Variants in ACAN observed in about 807,000 individuals in gnomAD.
The protein encoded by ACAN is aggrecan, also known as aggrecan core protein.
Under a neutral mutation model 169.1 loss-of-function variants are expected in ACAN, and 47 were observed. That is an observed-to-expected ratio of 0.28 (90% CI 0.22 to 0.35). ACAN has a LOEUF of 0.35. ACAN is among the 10% of genes least tolerant of loss of function. ACAN has a pLI of 1.00. For synonymous variants in ACAN, 1,115 were observed against 1,112.2 expected (o/e 1.00, Z -0.05); for missense variants, 2,716 against 2,759.9 (o/e 0.98, Z 0.36).
In ACAN at chr15:88,854,944, C is replaced by A; in HGVS notation, c.2359C>A (p.Pro787Thr). Residue 787 changes from proline to threonine, a missense_variant, in exon 12 of 19, where the codon CCA becomes ACA. Physicochemically the swap from Pro to Thr is conservative, Grantham distance 38 (BLOSUM62 -1). Around this residue, in one of 3 missense-constraint regions of ACAN, gnomAD observed 1,283 missense variants for 1,281.5 expected, o/e 1.00. Coordinates refer to ENST00000560601, the MANE Select transcript of ACAN (RefSeq NM_001369268.1). ...ATEVPSASEE[P>T]SPSEVPFPSE... is the part of the protein sequence containing the mutation. ...TGAAGTGCCCTCTGCCTCAGAGGAA[C>A]CATCCCCCTCAGAGGTGCCATTCCC... The A allele has an allele frequency of 1.3e-6, 2 of 1,594,546 alleles. No individual in the cohort carries two copies. Among genetic ancestry groups the A allele is most frequent in the South Asian group, 1.1e-5 (1 of 87,076 alleles).
In ACAN at chr15:88,843,365, T is replaced by G; in HGVS notation, c.768T>G (p.Phe256Leu). The change falls in exon 6 of 19, where the codon TTT becomes TTG. Residue 256 changes from phenylalanine (F) to leucine (L), a missense_variant. This residue lies in a region of ACAN where 1,283 missense variants were observed against 1,281.5 expected (regional missense o/e 1.00). Transcript: ENST00000560601. The surrounding 1 kb of genome is among the most constrained non-coding windows in gnomAD (Gnocchi z 4.0). ...CTGTGTCCTTCACAGGTGAGGTCTT[T>G]TATGCAACATCTCCAGAGAAGTTCA... ...CFAEEMEGEV[F>L]YATSPEKFTF... is the part of the protein sequence containing the mutation. 1 of 1,579,040 alleles carries G rather than the reference T, an allele frequency of 6.3e-7. No homozygotes were observed. The highest frequency in any genetic ancestry group is 1.2e-5 in the South Asian group (1 of 86,760).
At position 88,858,183 on chromosome 15, in the gene ACAN, A is replaced by C; in HGVS notation, c.5598A>C (p.Ser1866=). The part of the protein sequence containing the change: ...SGLPSGEADL[S]GKSGMVDVSG... ...TCCCTTCCGGAGAGGCAGATCTGTC[A>C]GGCAAATCTGGGATGGTGGATGTCA... Residue 1866 remains serine, a synonymous_variant, in exon 12 of 19, where the codon TCA becomes TCC. Coordinates refer to ENST00000560601, the MANE Select transcript of ACAN (RefSeq NM_001369268.1). The surrounding 1 kb of genome is among the most constrained non-coding windows in gnomAD (Gnocchi z 4.0). The C allele has an allele frequency of 6.2e-7, 1 of 1,613,930 alleles. No individual in the cohort carries two copies. Among genetic ancestry groups the C allele is most frequent in the Non-Finnish European group, 8.5e-7 (1 of 1,179,878 alleles).
chr15:88,841,581 A>T lies in ACAN; in HGVS notation c.630-159A>T, dbSNP rs145025980. 5.6e-4 allele frequency among the ~76,000 whole-genome samples: 86 copies of T among 152,244 alleles called. No homozygotes were observed. In the East Asian group the frequency reaches 0.013, roughly 24 times the overall value. ...TGGGGGCTGCCTTTAATCATGATTC[A>T]CTGTAAAAACAGATAGGCAGTTGAC... On this transcript the variant is annotated intron_variant, in intron 4 of 18. Coordinates refer to ENST00000560601, the MANE Select transcript of ACAN (RefSeq NM_001369268.1).
intron 8 of ACAN, 145 bp from the exon 9 acceptor site, chr15:88,847,766 T>G: frequency 9.1e-7 from 1 of 1,092,898 alleles, no homozygotes; most frequent in Non-Finnish European, 1.3e-6. Context: ...ACTTGCTGCA[T>G]AAGGGGCTTT....
rs766559751 is a variant in ACAN, at chr15:88,855,459, T to C, written c.2874T>C (p.Pro958=). 1.1e-5 allele frequency: 17 copies of C among 1,613,652 alleles called. No individual in the cohort carries two copies. In the Admixed American group the frequency reaches 2.8e-4, roughly 27 times the overall value. ...GAGTTGGGGATCTCAGTGGACTTCC[T>C]TCTGGAGAAGTTCTAGAGACCTCTG... The part of the protein sequence containing the change: ...ASGVGDLSGL[P]SGEVLETSAS... The change falls in exon 12 of 19, where the codon CCT becomes CCC. Residue 958 remains proline, a synonymous_variant. Transcript: ENST00000560601.
In ACAN at chr15:88,857,628, G is replaced by A. The variant is rs1431923508; in HGVS notation, c.5043G>A (p.Arg1681=). Residue 1681 remains arginine (R), a synonymous_variant, in exon 12 of 19, where the codon AGG becomes AGA. Transcript: ENST00000560601. ...TASTASELEG[R]GTIGISGAGE... ...CCACTGCAAGTGAACTGGAAGGGAG[G>A]GGAACCATTGGCATCAGTGGTGCAG... The A allele has an allele frequency of 1.2e-6, 2 of 1,614,004 alleles. No individual in the cohort carries two copies. Among genetic ancestry groups the A allele is most frequent in the Non-Finnish European group, 1.7e-6 (2 of 1,179,894 alleles).
chr15:88,871,582 G>A lies in ACAN; in HGVS notation c.7219+42G>A, dbSNP rs371067975. 59 of 1,573,372 alleles carry A rather than the reference G, an allele frequency of 3.7e-5. No individual in the cohort carries two copies. Among genetic ancestry groups the A allele is most frequent in the Middle Eastern group, 4.2e-4 (2 of 4,718 alleles). On this transcript the variant is annotated intron_variant, in intron 15 of 18. Coordinates refer to ENST00000560601, the MANE Select transcript of ACAN (RefSeq NM_001369268.1). The surrounding 1 kb of genome is among the most constrained non-coding windows in gnomAD (Gnocchi z 7.8). ...CTCTGGAGCCTGAGAGGAGAGTGGC[G>A]GTGTAGGCAAAGGGCCTCACCTTTC...
Position 88,849,629 on chromosome 15 carries a change from G to T in ACAN, c.1924G>T (p.Ala642Ser). ...LRYPIVTPRP[A>S]CGGDKPGVRT... ...CTACCCCATCGTCACCCCAAGGCCT[G>T]CCTGCGGTGGGGACAAGCCAGGCGT... The change falls in exon 10 of 19, where the codon GCC becomes TCC. Residue 642 changes from alanine (A) to serine (S), a missense_variant. Ala to Ser is a moderately conservative substitution (Grantham distance 99, BLOSUM62 1). Transcript: ENST00000560601. The surrounding 1 kb of genome is among the most constrained non-coding windows in gnomAD (Gnocchi z 5.1). The T allele has an allele frequency of 6.2e-7, 1 of 1,612,746 alleles. No individual in the cohort carries two copies. Among genetic ancestry groups the T allele is most frequent in the South Asian group, 1.1e-5 (1 of 90,966 alleles).
At position 88,861,080 on chromosome 15, in the gene ACAN, G is replaced by T. The variant is rs948875486; in HGVS notation, c.6946+641G>T. Among the ~76,000 whole-genome samples the T allele has an allele frequency of 6.6e-6, 1 of 152,164 alleles. No homozygotes were observed. Among genetic ancestry groups the T allele is most frequent in the African/African-American group, 2.4e-5 (1 of 41,436 alleles). On this transcript the variant is annotated intron_variant, in intron 13 of 18. Coordinates refer to ENST00000560601, the MANE Select transcript of ACAN (RefSeq NM_001369268.1). This position sits in a 1 kb window ranked among gnomAD's most constrained non-coding sequence, Gnocchi z 6.3. ...GGCTGGGGACCCTCTGATCTGAGGT[G>T]GACCCCGGAAGGAGATGGTTAGAAT...
At chr15:88,841,053 G>A (rs1432261462) in intron 4 of ACAN, among the ~76,000 whole-genome samples, 3 of 152,232 alleles carry the variant, frequency 2.0e-5, no homozygotes, top group Non-Finnish European at 4.4e-5. Flanking sequence ...GCTGAGGCAG[G>A]AGAATGGCGT....
At position 88,843,521 on chromosome 15, in the gene ACAN, C is replaced by G. The variant is rs117583968; in HGVS notation, c.924C>G (p.Arg308=). ...GCTGGCTGGCCGACCGCAGCGTGCG[C>G]TACCCCATCTCCAAGGCCCGGCCCA... is the stretch of plus-strand genomic sequence containing the variant. The part of the protein sequence containing the change: ...SAGWLADRSV[R]YPISKARPNC... Residue 308 remains arginine, a synonymous_variant, in exon 6 of 19, where the codon CGC becomes CGG. Transcript: ENST00000560601. This position sits in a 1 kb window ranked among gnomAD's most constrained non-coding sequence, Gnocchi z 4.0. 3.2e-4 allele frequency: 513 copies of G among 1,612,694 alleles called. 2 individuals are homozygous for G. The East Asian group carries it at 0.01, about 32-fold the overall frequency.
At chr15:88,831,579 A>T (rs1417545035) in intron 1 of ACAN, among the ~76,000 whole-genome samples, 3 of 152,116 alleles carry the variant, frequency 2.0e-5, no homozygotes, top group Non-Finnish European at 4.4e-5. Flanking sequence ...TGCCAGGGAG[A>T]CAGTGGGGAA....
In ACAN at chr15:88,843,849, T is replaced by C. The variant is rs1224291734; in HGVS notation, c.1051+201T>C. Among the ~76,000 whole-genome samples, 1 of 152,228 alleles carries C rather than the reference T, an allele frequency of 6.6e-6. No homozygotes were observed. The highest frequency in any genetic ancestry group is 1.5e-5 in the Non-Finnish European group (1 of 68,044). ...GGTAGAGACTCTTGAGACTGCAGCG[T>C]ATCTAGCTCTGTCTCATCGGATCAG... On this transcript the variant is annotated intron_variant, in intron 6 of 18. Transcript: ENST00000560601. The surrounding 1 kb of genome is among the most constrained non-coding windows in gnomAD (Gnocchi z 4.0).
At chr15:88,806,116 C>T (rs1895675889) in intron 1 of ACAN, among the ~76,000 whole-genome samples, 1 of 152,196 alleles carries the variant, frequency 6.6e-6, no homozygotes, top group Non-Finnish European at 1.5e-5. Context: ...CTCCCAGAGG[C>T]TTCATTTCCT....
At chr15:88,824,289 A>G (rs1567168282) in intron 1 of ACAN, among the ~76,000 whole-genome samples, 1 of 151,216 alleles carries the variant, frequency 6.6e-6, no homozygotes, top group Non-Finnish European at 1.5e-5. Flanking sequence ...GCGCCACTGC[A>G]CTCCCGGGTG....
At chr15:88,845,320 C>G (rs1025371002) in intron 6 of ACAN, among the ~76,000 whole-genome samples, 185 bp from the exon 7 acceptor site, 2 of 152,190 alleles carry the variant, frequency 1.3e-5, no homozygotes, top group African/African-American at 4.8e-5. Flanking sequence ...TGTGGGGACT[C>G]CTACAATGAA....
Position 88,814,796 on chromosome 15 carries a change from C to G in ACAN, c.-8+10987C>G, listed in dbSNP as rs555286183. Reference sequence around the variant, plus strand: ...GTGTCATAGCTGCTAGCCAGCATGTCCATGCTATCAGGAAGCTTGTGAGGC... The same window carrying G: ...GTGTCATAGCTGCTAGCCAGCATGTGCATGCTATCAGGAAGCTTGTGAGGC... On this transcript the variant is annotated intron_variant, in intron 1 of 18. Transcript: ENST00000560601. This position sits in a 1 kb window ranked among gnomAD's most constrained non-coding sequence, Gnocchi z 4.0. Among the ~76,000 whole-genome samples, 1 of 152,294 alleles carries G rather than the reference C, an allele frequency of 6.6e-6. No individual in the cohort carries two copies. Among genetic ancestry groups the G allele is most frequent in the South Asian group, 2.1e-4 (1 of 4,828 alleles).
rs117879889 is a variant in ACAN, at chr15:88,873,849, C to T, written c.7455C>T (p.Cys2485=). The change falls in exon 18 of 19, where the codon TGC becomes TGT. Residue 2485 remains cysteine (C), a synonymous_variant. Coordinates refer to ENST00000560601, the MANE Select transcript of ACAN (RefSeq NM_001369268.1). The surrounding 1 kb of genome is among the most constrained non-coding windows in gnomAD (Gnocchi z 7.5). ...PFTCKKGTVA[C]GEPPVVEHAR... is the part of the protein sequence containing the mutation. ...AGGGTGTTTGCCCCTCAGTGGCCTG[C>T]GGAGAGCCCCCTGTGGTGGAGCATG... The T allele has an allele frequency of 4.4e-3, 7,115 of 1,613,648 alleles. 39 individuals carry two copies. The highest frequency in any genetic ancestry group is 4.0e-3 in the Non-Finnish European group (4,775 of 1,179,848).
chr15:88,840,252 C>CT, intron 4 of ACAN, 66 bp downstream of exon 4: 7 of 1,480,956 alleles, frequency 4.7e-6, no homozygotes, highest in Non-Finnish European at 6.3e-6. Flanking sequence ...GGGGCGGGTG[C>CT]TGGGTGGAAC....
Sources: allele counts gnomAD v4.1 joint callset (sites outside exome capture counted in the v4.1 genomes callset), GRCh38; gene constraint gnomAD v4.1.1; regional missense constraint gnomAD v4.1.1; non-coding constraint Gnocchi (gnomAD v3.1); transcripts MANE v1.5; gene names NCBI Gene and HGNC (gene_info 2026-07-23, HGNC 2026-07-21).